The following PTCH2 variants were observed in gnomAD, a reference collection of about 807,000 sequenced individuals.
PTCH2 encodes the protein patched 2, also known as protein patched homolog 2.
PTCH2 carries 96 observed loss-of-function variants against 117.9 expected under a neutral mutation model. The ratio of observed to expected loss-of-function variants is 0.81; its 90% CI spans 0.69 to 0.96. The LOEUF (loss-of-function observed/expected upper bound fraction) is 0.96. Among genes scored for constraint, PTCH2 ranks in the 50% least tolerant of loss-of-function variants. The probability of loss-of-function intolerance (pLI) is 0.00; values close to 1 mark genes in which losing one functional copy is unlikely to be tolerated. For synonymous variants in PTCH2, 615 were observed against 660.9 expected (o/e 0.93, Z 1.06); for missense variants, 1,379 against 1,562.5 (o/e 0.88, Z 1.98).
In PTCH2 at chr1:44,827,270, C is replaced by T. The variant is rs770837969; in HGVS notation, c.2411G>A (p.Arg804His). 3.5e-5 allele frequency: 56 copies of T among 1,613,908 alleles called. No individual in the cohort carries two copies. Among genetic ancestry groups the T allele is most frequent in the South Asian group, 2.2e-4 (20 of 91,086 alleles). Residue 804 changes from arginine to histidine, a missense_variant, in exon 16 of 22, where the codon CGC becomes CAC. By Grantham distance (29) the Arg-to-His change is conservative (BLOSUM62 0). Transcript: ENST00000372192. ...AAFDQDWASG[R>H]ITRHSYRNGS... ...ATTGCGGTACGAGTGGCGGGTGATG[C>T]GCCCAGAAGCCCAGTCCTGGTCAAA...
chr1:44,839,360 T>TGAAAAAA (rs1653831928), intron 2 of PTCH2, among the ~76,000 whole-genome samples: 1 of 26,322 alleles, frequency 3.8e-5, no homozygotes, highest in Admixed American at 6.5e-4. Flanking sequence ...AGACTTACTC[T>TGAAAAAA]CAAAAAAAAA....
Position 44,823,172 on chromosome 1 carries a change from G to A in PTCH2, c.3258-4C>T. 1.2e-6 allele frequency: 2 copies of A among 1,614,120 alleles called. No individual in the cohort carries two copies. Among genetic ancestry groups the A allele is most frequent in the East Asian group, 2.2e-5 (1 of 44,878 alleles). On this transcript the variant is annotated splice_polypyrimidine_tract_variant and splice_region_variant and intron_variant, in intron 20 of 21. Transcript: ENST00000372192. The surrounding 1 kb of genome is among the most constrained non-coding windows in gnomAD (Gnocchi z 5.1). ...TGTCAGCGCCGCAAAGAAGTACCTA[G>A]GGGTAGGGTGTGGGGGGAGTCAGCC...
intron 3 of PTCH2, 53 bp downstream of exon 3, chr1:44,832,099 A>G: frequency 6.2e-7 from 1 of 1,612,940 alleles, no homozygotes; most frequent in Non-Finnish European, 8.5e-7. Flanking sequence ...CCCACTCCAG[A>G]ACCCCCACAG....
At chr1:44,830,391 C>A (rs909175163) in intron 6 of PTCH2, among the ~76,000 whole-genome samples, 1 of 151,942 alleles carries the variant, frequency 6.6e-6, no homozygotes, top group African/African-American at 2.4e-5. Flanking sequence ...ATAAAAAGTC[C>A]AGCCTTGGCC....
chr1:44,842,804 C>G, intron 1 of PTCH2, 57 bp downstream of exon 1: 2 of 1,478,426 alleles, frequency 1.4e-6, no homozygotes, highest in Admixed American at 2.0e-5. Context: ...CTTGCAGAGG[C>G]CCGAGTGACA....
At chr1:44,827,767 A>C in intron 14 of PTCH2, 53 bp from the exon 15 acceptor site, 3 of 1,611,084 alleles carry the variant, frequency 1.9e-6, no homozygotes, top group Non-Finnish European at 2.5e-6. Flanking sequence ...CCAGCCCCTC[A>C]GGCAGTGGAC....
downstream of PTCH2, chr1:44,820,019 C>CA (rs1352823150): frequency 6.3e-6 from 1 of 157,840 alleles, no homozygotes; most frequent in Non-Finnish European, 1.4e-5. Context: ...CCGCTTCGAA[C>CA]CTCGCAGGGA....
chr1:44,826,866 G>A lies in PTCH2; in HGVS notation c.2695+36C>T. 2 of 1,613,656 alleles carry A rather than the reference G, an allele frequency of 1.2e-6. No individual in the cohort carries two copies. Among genetic ancestry groups the A allele is most frequent in the Non-Finnish European group, 1.7e-6 (2 of 1,179,866 alleles). ...TCAGGCTCAGGGCTTGTGTGGGCGAGGCTGAGGCTCTTGCCGAGCTCCCCC... is the reference window on the plus strand; with the variant it reads ...TCAGGCTCAGGGCTTGTGTGGGCGAAGCTGAGGCTCTTGCCGAGCTCCCCC... On this transcript the variant is annotated intron_variant, in intron 17 of 21. Transcript: ENST00000372192. The surrounding 1 kb of genome is among the most constrained non-coding windows in gnomAD (Gnocchi z 5.1).
At chr1:44,840,203 A>G (rs951987205) in intron 2 of PTCH2, among the ~76,000 whole-genome samples, 3 of 151,320 alleles carry the variant, frequency 2.0e-5, no homozygotes, top group African/African-American at 7.3e-5. Flanking sequence ...CCCAGGTTCA[A>G]GCAATTCTCC....
At chr1:44,841,734 T>C (rs1329095829) in intron 2 of PTCH2, 113 bp downstream of exon 2, 1 of 1,169,832 alleles carries the variant, frequency 8.5e-7, no homozygotes. Flanking sequence ...GGCCAGCAGG[T>C]GACCCTCCAG....
rs1452513497 is a variant in PTCH2 at position 44,831,361 on chromosome 1, A to C, written c.618-318T>G. On this transcript the variant is annotated intron_variant, in intron 5 of 21. Transcript: ENST00000372192. This position sits in a 1 kb window ranked among gnomAD's most constrained non-coding sequence, Gnocchi z 4.3. Reference sequence around the variant, plus strand: ...TGGTTCTAATATACAACCAGCAGGCACATGCCTGTAGCAGGTTTTCTTTCT... The same window carrying C: ...TGGTTCTAATATACAACCAGCAGGCCCATGCCTGTAGCAGGTTTTCTTTCT... Among the ~76,000 whole-genome samples the C allele has an allele frequency of 1.3e-5, 2 of 152,242 alleles. No homozygotes were observed. Among genetic ancestry groups the C allele is most frequent in the East Asian group, 3.8e-4 (2 of 5,204 alleles).
downstream of PTCH2, chr1:44,821,805 T>G (rs1395925855): frequency 7.4e-7 from 1 of 1,353,886 alleles, no homozygotes; most frequent in Admixed American, 2.0e-5. Flanking sequence ...ATCCAGAATC[T>G]GGGGTCTTTT....
At position 44,829,234 on chromosome 1, in the gene PTCH2, G is replaced by C. The variant is rs2148877234; in HGVS notation, c.1294C>G (p.Leu432Val). 6.2e-7 allele frequency: 1 copy of C among 1,613,570 alleles called. No homozygotes were observed. Among genetic ancestry groups the C allele is most frequent in the Non-Finnish European group, 8.5e-7 (1 of 1,180,030 alleles). ...CCTGAGGCCACCGCCAGGGCCACCAGCAGTACCCCGGCAAGGCCCACGGAA... is the reference window on the plus strand; with the variant it reads ...CCTGAGGCCACCGCCAGGGCCACCACCAGTACCCCGGCAAGGCCCACGGAA... ...QGSVGLAGVL[L>V]VALAVASGLG... Residue 432 changes from leucine (L) to valine (V), a missense_variant, in exon 10 of 22, where the codon CTG becomes GTG. Physicochemically the swap from Leu to Val is conservative, Grantham distance 32. Coordinates refer to ENST00000372192, the MANE Select transcript of PTCH2 (RefSeq NM_003738.5).
At chr1:44,828,265 C>T (rs758798068) in intron 13 of PTCH2, 31 bp downstream of exon 13, 11 of 1,613,054 alleles carry the variant, frequency 6.8e-6, no homozygotes, top group Middle Eastern at 3.3e-4. Context: ...GCGTGGGTCA[C>T]GGGAGGAAGG....
chr1:44,829,785 G>C lies in PTCH2; in HGVS notation c.936-24C>G, dbSNP rs367749212. On this transcript the variant is annotated intron_variant, in intron 7 of 21. Coordinates refer to ENST00000372192, the MANE Select transcript of PTCH2 (RefSeq NM_003738.5). ...CCCTGGTGGGGGTGTGGGAGAACCA[G>C]GGGTCAGAGCTGGCCCAAACACCTG... 5.0e-6 allele frequency: 8 copies of C among 1,614,060 alleles called. No homozygotes were observed. The African/African-American group carries it at 1.1e-4, about 22-fold the overall frequency.
At chr1:44,830,171 T>G in intron 6 of PTCH2, 141 bp from the exon 7 acceptor site, 1 of 1,198,494 alleles carries the variant, frequency 8.3e-7, no homozygotes, top group East Asian at 2.5e-5. Context: ...GCCTCTTGAC[T>G]GCTCTGCAGG....
At position 44,826,043 on chromosome 1, in the gene PTCH2, AC is replaced by A. The variant is rs1022774497; in HGVS notation, c.3114+206del. 2.1e-5 allele frequency among the ~76,000 whole-genome samples: 3 copies of A among 145,320 alleles called. No homozygotes were observed. Among genetic ancestry groups the A allele is most frequent in the African/African-American group, 7.7e-5 (3 of 38,892 alleles). ...GTATTTTTAGTAAAGACAGGGTTTC[AC>A]CATGTTGGCCAGGCTGGTTTCGAAC... On this transcript the variant is annotated intron_variant, in intron 19 of 21. Coordinates refer to ENST00000372192, the MANE Select transcript of PTCH2 (RefSeq NM_003738.5). The surrounding 1 kb of genome is among the most constrained non-coding windows in gnomAD (Gnocchi z 5.1).
Position 44,828,342 on chromosome 1 carries a change from G to C in PTCH2, c.1663C>G (p.Arg555Gly), listed in dbSNP as rs369481564. The change falls in exon 13 of 22, where the codon CGG becomes GGG. Residue 555 changes from arginine (R) to glycine (G), a missense_variant. Coordinates refer to ENST00000372192, the MANE Select transcript of PTCH2 (RefSeq NM_003738.5). The part of the protein sequence containing the change: ...VFPAILSLDL[R>G]RRHCQRLDVL... ...TCAAGGCGCTGGCAGTGGCGCCGCC[G>C]TAGGTCCAGGCTGAGGATGGCTGGG... The C allele has an allele frequency of 6.2e-7, 1 of 1,614,126 alleles. No homozygotes were observed. The highest frequency in any genetic ancestry group is 8.5e-7 in the Non-Finnish European group (1 of 1,179,974).
intron 2 of PTCH2, among the ~76,000 whole-genome samples, chr1:44,840,247 C>T (rs1440259065): frequency 6.6e-6 from 1 of 151,572 alleles, no homozygotes; most frequent in Non-Finnish European, 1.5e-5. Flanking sequence ...GGACTACAGG[C>T]GCCCGCCACC....
Sources: allele counts gnomAD v4.1 joint callset (sites outside exome capture counted in the v4.1 genomes callset), GRCh38; gene constraint gnomAD v4.1.1; non-coding constraint Gnocchi (gnomAD v3.1); transcripts MANE v1.5; gene names NCBI Gene and HGNC (gene_info 2026-07-23, HGNC 2026-07-21).